The following AXL variants were observed in gnomAD, a reference collection of about 807,000 sequenced individuals.
AXL encodes the protein tyrosine-protein kinase receptor UFO.
Under a neutral mutation model 104.5 loss-of-function variants are expected in AXL, and 52 were observed. The observed-to-expected ratio is 0.50, with a 90% CI of 0.40 to 0.63. The LOEUF (loss-of-function observed/expected upper bound fraction) is 0.63, where lower values mean the gene tolerates loss of function less well. Among genes scored for constraint, AXL ranks in the 20% least tolerant of loss-of-function variants. The pLI is 0.00. For missense variants in AXL, 1,024 were observed against 1,188.5 expected, an observed-to-expected ratio of 0.86 and a Z score of 2.04; for synonymous variants, 455 against 473.7, an observed-to-expected ratio of 0.96 and a Z score of 0.51.
intron 4 of AXL, among the ~76,000 whole-genome samples, chr19:41,230,736 G>A (rs2033971718): frequency 6.6e-6 from 1 of 152,046 alleles, no homozygotes; most frequent in East Asian, 1.9e-4. Flanking sequence ...TACTATGTGT[G>A]TCTGTGTGGC....
In AXL at chr19:41,260,308, T is replaced by A; in HGVS notation, c.*404T>A. ...AGGTTCTAAGGCCTACTTTTTTTTT[T>A]TTTTTTTTTTTTTTTTTTTTTGCGA... On this transcript the variant is annotated 3_prime_UTR_variant, in exon 20 of 20. Transcript: ENST00000301178. The A allele has an allele frequency of 7.4e-6, 1 of 134,968 alleles. No individual in the cohort carries two copies. Among genetic ancestry groups the A allele is most frequent in the Non-Finnish European group, 1.3e-5 (1 of 76,054 alleles). 8.4% of individuals were successfully genotyped at this position (134,968 alleles called of 1,614,324 possible).
At position 41,242,904 on chromosome 19, in the gene AXL, C is replaced by G; in HGVS notation, c.1334C>G (p.Ala445Gly). 6.2e-7 allele frequency: 1 copy of G among 1,614,230 alleles called. No individual in the cohort carries two copies. The highest frequency in any genetic ancestry group is 8.5e-7 in the Non-Finnish European group (1 of 1,180,040). ...ATAGTGAAGGAACCTTCAACTCCTGCCTTCTCGTGGCCCTGGTGGTATGTA... is the reference window on the plus strand; with the variant it reads ...ATAGTGAAGGAACCTTCAACTCCTGGCTTCTCGTGGCCCTGGTGGTATGTA... ...HQLVKEPSTP[A>G]FSWPWWYVLL... Residue 445 changes from alanine (A) to glycine (G), a missense_variant, in exon 11 of 20, where the codon GCC becomes GGC. Physicochemically the swap from Ala to Gly is moderately conservative, Grantham distance 60. Coordinates refer to ENST00000301178, the MANE Select transcript of AXL (RefSeq NM_021913.5).
chr19:41,248,710 C>G, intron 13 of AXL, 33 bp from the exon 14 acceptor site: 1 of 1,613,694 alleles, frequency 6.2e-7, no homozygotes, highest in Non-Finnish European at 8.5e-7. Flanking sequence ...CACGGGCCCT[C>G]TGAGGTCAGT....
In AXL at chr19:41,219,337, G is replaced by A; in HGVS notation, c.-56G>A. On this transcript the variant is annotated 5_prime_UTR_variant, in exon 1 of 20. Coordinates refer to ENST00000301178, the MANE Select transcript of AXL (RefSeq NM_021913.5). The stretch of plus-strand genomic sequence containing the variant: ...TGGGGGGAGGGCCGGGGACAGCCCG[G>A]CCCTGCCCCCTCCCCCGCTGGGAGC... 36 of 1,523,298 alleles carry A rather than the reference G, an allele frequency of 2.4e-5. No homozygotes were observed. Among genetic ancestry groups the A allele is most frequent in the Non-Finnish European group, 2.8e-5 (32 of 1,124,950 alleles). The allele number at this position is 1,523,298 out of a possible 1,614,324, so 94.4% of individuals were successfully genotyped here.
In AXL at chr19:41,252,860, G is replaced by C. The variant is rs774070652; in HGVS notation, c.1819G>C (p.Gly607Arg). ...VMRLIGVCFQ[G>R]SERESFPAPV... is the part of the protein sequence containing the mutation. ...GGGGGGCTCAGGTGTCTGTTTCCAG[G>C]GTTCTGAACGAGAGAGCTTCCCAGC... Residue 607 changes from glycine (G) to arginine (R), a missense_variant, in exon 16 of 20, where the codon GGT becomes CGT. Physicochemically the swap from Gly to Arg is moderately radical, Grantham distance 125 (BLOSUM62 -2). Transcript: ENST00000301178. 1.2e-6 allele frequency: 2 copies of C among 1,613,994 alleles called. No individual in the cohort carries two copies. Among genetic ancestry groups the C allele is most frequent in the Non-Finnish European group, 1.7e-6 (2 of 1,180,008 alleles).
At position 41,260,169 on chromosome 19, in the gene AXL, T is replaced by A; in HGVS notation, c.*265T>A. 1 of 433,400 alleles carries A rather than the reference T, an allele frequency of 2.3e-6. No individual in the cohort carries two copies. 26.8% of individuals were successfully genotyped at this position (433,400 alleles called of 1,614,324 possible). A position where few individuals can be genotyped will look rare whatever the true frequency, so the allele number is the denominator to read the frequency against. The stretch of plus-strand genomic sequence containing the variant: ...CCCAGGTGTTAACATTCCAAGACTC[T>A]AGAGTCCAAGGTTTAAAGAGTCTAG... On this transcript the variant is annotated 3_prime_UTR_variant, in exon 20 of 20. Transcript: ENST00000301178.
At position 41,253,731 on chromosome 19, in the gene AXL, C is replaced by T. The variant is rs200899438; in HGVS notation, c.2036+23C>T. ...CATGTGAGTGCCTTTCAGGGACCCC[C>T]CCCCCCCAACTGCTCCTGCACTCCC... On this transcript the variant is annotated intron_variant, in intron 17 of 19. Transcript: ENST00000301178. 1.4e-5 allele frequency: 22 copies of T among 1,535,042 alleles called. No individual in the cohort carries two copies. The South Asian group carries it at 2.2e-4, about 15-fold the overall frequency.
intron 12 of AXL, among the ~76,000 whole-genome samples, chr19:41,248,203 C>G (rs774101838): frequency 6.6e-6 from 1 of 152,328 alleles, no homozygotes; most frequent in South Asian, 2.1e-4. Flanking sequence ...GGATTACAGG[C>G]GTAAGCCACT....
At chr19:41,231,556 G>A (rs920449756) in intron 6 of AXL, among the ~76,000 whole-genome samples, 1 of 152,122 alleles carries the variant, frequency 6.6e-6, no homozygotes, top group African/African-American at 2.4e-5. Flanking sequence ...GTGCCTACCT[G>A]GTATGCTTAG....
At chr19:41,242,754 C>A in intron 10 of AXL, 129 bp from the exon 11 acceptor site, 1 of 1,230,392 alleles carries the variant, frequency 8.1e-7, no homozygotes, top group Non-Finnish European at 1.2e-6. Context: ...ATGCATCCAT[C>A]ACACACCTCA....
intron 6 of AXL, among the ~76,000 whole-genome samples, chr19:41,235,935 G>T (rs1040589126): frequency 6.6e-6 from 1 of 151,954 alleles, no homozygotes; most frequent in Non-Finnish European, 1.5e-5. Flanking sequence ...GGTGGCTCAC[G>T]CCTGTAATCC....
chr19:41,242,209 G>C (rs1293182639), intron 10 of AXL, among the ~76,000 whole-genome samples: 1 of 151,242 alleles, frequency 6.6e-6, no homozygotes, highest in Non-Finnish European at 1.5e-5. Context: ...CATAATATTT[G>C]GTAGCTTAAA....
intron 4 of AXL, among the ~76,000 whole-genome samples, chr19:41,225,613 CTGTG>C (rs1177978006): frequency 2.0e-5 from 3 of 152,136 alleles, no homozygotes. Context: ...ACATGTGTGA[CTGTG>C]TGTTTATGTG....
chr19:41,248,431 T>C (rs1424662130), intron 12 of AXL, 83 bp from the exon 13 acceptor site: 3 of 1,317,578 alleles, frequency 2.3e-6, no homozygotes, highest in Non-Finnish European at 2.2e-6. Context: ...GTTTCAACAA[T>C]GGATCTATCC....
intron 12 of AXL, among the ~76,000 whole-genome samples, chr19:41,247,452 G>A (rs551979545): frequency 6.6e-5 from 10 of 151,876 alleles, no homozygotes; most frequent in Non-Finnish European, 5.9e-5. Flanking sequence ...GCGGTGAGCC[G>A]AGATTGCGCC....
At chr19:41,223,535 G>T (rs2033829064) in intron 4 of AXL, among the ~76,000 whole-genome samples, 1 of 152,178 alleles carries the variant, frequency 6.6e-6, no homozygotes, top group Non-Finnish European at 1.5e-5. Flanking sequence ...CTGCAGCCTG[G>T]AGGGCATCAG....
In AXL at chr19:41,221,971, G is replaced by A. The variant is rs752523929; in HGVS notation, c.501G>A (p.Glu167=). Residue 167 remains glutamate (E), a synonymous_variant, in exon 4 of 20, where the codon GAG becomes GAA. Coordinates refer to ENST00000301178, the MANE Select transcript of AXL (RefSeq NM_021913.5). ...NLSCQAQGPP[E]PVDLLWLQDA... is the part of the protein sequence containing the mutation. ...GCTGCCAAGCTCAGGGACCCCCAGA[G>A]CCCGTGGACCTACTCTGGCTCCAGG... The A allele has an allele frequency of 6.2e-7, 1 of 1,612,160 alleles. No homozygotes were observed. Among genetic ancestry groups the A allele is most frequent in the Non-Finnish European group, 8.5e-7 (1 of 1,179,282 alleles).
At position 41,252,973 on chromosome 19, in the gene AXL, G is replaced by A. The variant is rs1006155948; in HGVS notation, c.1926+6G>A. The A allele has an allele frequency of 1.9e-6, 3 of 1,614,018 alleles. No individual in the cohort carries two copies. The highest frequency in any genetic ancestry group is 2.5e-6 in the Non-Finnish European group (3 of 1,179,954). On this transcript the variant is annotated splice_donor_region_variant and intron_variant, in intron 16 of 19. Coordinates refer to ENST00000301178, the MANE Select transcript of AXL (RefSeq NM_021913.5). ...GGCTCGGGGACCAGCCAGTGGTAAG[G>A]GGCGTTTAATCATTCAGTCTACAAA...
At chr19:41,222,242 G>A (rs549039142) in intron 4 of AXL, among the ~76,000 whole-genome samples, 186 bp downstream of exon 4, 5 of 151,842 alleles carry the variant, frequency 3.3e-5, no homozygotes, top group South Asian at 2.1e-4. Context: ...ATTTCTCTCC[G>A]TATGCCTTTT....
Sources: gnomAD v4.1 joint callset for allele counts (sites outside exome capture counted in the v4.1 genomes callset) on GRCh38, gnomAD v4.1.1 for gene constraint, MANE v1.5 for transcripts, NCBI Gene and HGNC (gene_info 2026-07-23, HGNC 2026-07-21) for gene names.